Variants in NACC2 observed in about 807,000 individuals in gnomAD.
NACC2 encodes nucleus accumbens-associated protein 2.
A neutral mutation model predicts 25.1 loss-of-function variants in NACC2; 8 were observed. That is an observed-to-expected ratio of 0.32 (90% CI 0.19 to 0.57). The LOEUF (loss-of-function observed/expected upper bound fraction) is 0.57, where lower values mean the gene tolerates loss of function less well. NACC2 is among the 20% of genes least tolerant of loss of function. The probability of loss-of-function intolerance (pLI) is 0.89; values close to 1 mark genes in which losing one functional copy is unlikely to be tolerated. For missense variants in NACC2, 644 were observed against 650.2 expected, an observed-to-expected ratio of 0.99 and a Z score of 0.10; for synonymous variants, 435 against 294.7, an observed-to-expected ratio of 1.48 and a Z score of -4.88.
chr9:136,017,101 A>G (rs1840214042), intron 2 of NACC2, among the ~76,000 whole-genome samples: 1 of 152,094 alleles, frequency 6.6e-6, no homozygotes, highest in African/African-American at 2.4e-5. Context: ...ACTTGCCAAT[A>G]GCCAGGCTGG....
intron 2 of NACC2, among the ~76,000 whole-genome samples, chr9:136,047,805 C>T (rs917374388): frequency 7.0e-4 from 106 of 152,302 alleles, no homozygotes; most frequent in Middle Eastern, 3.4e-3. Context: ...TTCTAGCTCA[C>T]GAAGTCCAGG....
rs538219411 is a variant in NACC2 at position 136,084,846 on chromosome 9, C to A, written c.-60+10343G>T. On this transcript the variant is annotated intron_variant, in intron 1 of 5. Transcript: ENST00000277554. This position sits in a 1 kb window ranked among gnomAD's most constrained non-coding sequence, Gnocchi z 5.1. ...ATGAGCCAGTCACACGAGGACACCCCCTGTGGGACTCCACTCACATGCAGT... is the reference window on the plus strand; with the variant it reads ...ATGAGCCAGTCACACGAGGACACCCACTGTGGGACTCCACTCACATGCAGT... Among the ~76,000 whole-genome samples the A allele has an allele frequency of 8.5e-5, 13 of 152,320 alleles. No individual in the cohort carries two copies. The highest frequency in any genetic ancestry group is 3.3e-4 in the Admixed American group (5 of 15,304).
At position 136,010,033 on chromosome 9, in the gene NACC2, G is replaced by A. The variant is rs752222509; in HGVS notation, c.*1483C>T. 2 of 152,188 alleles carry A rather than the reference G, an allele frequency of 1.3e-5. No individual in the cohort carries two copies. The highest frequency in any genetic ancestry group is 2.9e-5 in the Non-Finnish European group (2 of 68,050). The allele number at this position is 152,188 out of a possible 1,614,324, so 9.4% of individuals were successfully genotyped here. A position where few individuals can be genotyped will look rare whatever the true frequency, so the allele number is the denominator to read the frequency against. On this transcript the variant is annotated 3_prime_UTR_variant, in exon 6 of 6. Coordinates refer to ENST00000277554, the MANE Select transcript of NACC2 (RefSeq NM_144653.5). This position sits in a 1 kb window ranked among gnomAD's most constrained non-coding sequence, Gnocchi z 4.9. ...TCCAAAACAAAAGGGAGGGACACCT[G>A]GGTAGGTGGCCACACCAGCACTTCA...
In NACC2 at chr9:136,049,679, C is replaced by T; in HGVS notation, c.843G>A (p.Glu281=). 1.3e-6 allele frequency: 1 copy of T among 779,178 alleles called. No individual in the cohort carries two copies. The highest frequency in any genetic ancestry group is 2.4e-5 in the East Asian group (1 of 41,124). The allele number at this position is 779,178 out of a possible 1,614,324, so 48.3% of individuals were successfully genotyped here. ...DDEAYDTMVE[E]QYGQMYIKAS... is the part of the protein sequence containing the mutation. The stretch of plus-strand genomic sequence containing the variant: ...CCTTGATGTACATCTGGCCGTACTG[C>T]TCCTCCACCATGGTGTCGTAGGCCT... The change falls in exon 2 of 6, where the codon GAG becomes GAA. Residue 281 remains glutamate, a synonymous_variant. Transcript: ENST00000277554.
chr9:136,063,209 C>T (rs1481613218), intron 1 of NACC2, among the ~76,000 whole-genome samples: 1 of 152,172 alleles, frequency 6.6e-6, no homozygotes, highest in Non-Finnish European at 1.5e-5. Flanking sequence ...GGATGAGCAG[C>T]TCCCGGGACC....
chr9:136,054,548 C>T (rs1453413181), intron 1 of NACC2, among the ~76,000 whole-genome samples: 1 of 152,190 alleles, frequency 6.6e-6, no homozygotes, highest in Non-Finnish European at 1.5e-5. Context: ...GGGGGCTGAC[C>T]CTCCTGCTAC....
At position 136,077,255 on chromosome 9, in the gene NACC2, C is replaced by T. The variant is rs557483320; in HGVS notation, c.-60+17934G>A. 2.7e-5 allele frequency among the ~76,000 whole-genome samples: 4 copies of T among 150,300 alleles called. No homozygotes were observed. The South Asian group carries it at 6.4e-4, about 24-fold the overall frequency. On this transcript the variant is annotated intron_variant, in intron 1 of 5. Coordinates refer to ENST00000277554, the MANE Select transcript of NACC2 (RefSeq NM_144653.5). ...CTGAGGCAGGAGAATTGCTTGAACC[C>T]GGAGGTGGAGGTTGCAGTGAGCCAA...
intron 1 of NACC2, among the ~76,000 whole-genome samples, chr9:136,064,658 G>C (rs1029124795): frequency 2.0e-5 from 3 of 152,156 alleles, no homozygotes; most frequent in African/African-American, 7.2e-5. Flanking sequence ...TTTATCTACA[G>C]ACTCAATGCA....
At position 136,072,409 on chromosome 9, in the gene NACC2, C is replaced by G. The variant is rs532225075; in HGVS notation, c.-59-21829G>C. Among the ~76,000 whole-genome samples the G allele has an allele frequency of 3.3e-5, 5 of 152,142 alleles. No individual in the cohort carries two copies. The East Asian group carries it at 9.7e-4, about 29-fold the overall frequency. ...GAAAATACAAAATTAGCCGGGCGTG[C>G]TGGTGTACACCTATAATCCCAGCTA... On this transcript the variant is annotated intron_variant, in intron 1 of 5. Transcript: ENST00000277554.
intron 1 of NACC2, among the ~76,000 whole-genome samples, chr9:136,063,206 C>CA (rs1841036570): frequency 6.6e-6 from 1 of 152,186 alleles, no homozygotes; most frequent in South Asian, 2.1e-4. Context: ...CAGGGATGAG[C>CA]AGCTCCCGGG....
intron 1 of NACC2, among the ~76,000 whole-genome samples, chr9:136,082,948 T>C (rs1472979969): frequency 6.6e-6 from 1 of 152,244 alleles, no homozygotes; most frequent in Non-Finnish European, 1.5e-5. Flanking sequence ...GCCTCACTCC[T>C]GCCAGATATC....
intron 1 of NACC2, among the ~76,000 whole-genome samples, chr9:136,085,311 G>C (rs542811398): frequency 3.8e-4 from 58 of 150,956 alleles, no homozygotes; most frequent in Non-Finnish European, 6.9e-4. Flanking sequence ...CACTGTGCCC[G>C]ACCCAAAAAA....
chr9:136,036,320 A>G (rs1840553150), intron 2 of NACC2, among the ~76,000 whole-genome samples: 1 of 152,232 alleles, frequency 6.6e-6, no homozygotes, highest in Non-Finnish European at 1.5e-5. Flanking sequence ...GAGATGCTCA[A>G]CAATGTAACA....
intron 1 of NACC2, among the ~76,000 whole-genome samples, chr9:136,075,578 C>G (rs1326503468): frequency 1.3e-5 from 2 of 152,246 alleles, no homozygotes; most frequent in Non-Finnish European, 2.9e-5. Context: ...CTTCTTTTAT[C>G]GGGCATAGGC....
intron 1 of NACC2, among the ~76,000 whole-genome samples, chr9:136,064,989 G>GA (rs1171933896): frequency 6.6e-6 from 1 of 152,168 alleles, no homozygotes; most frequent in Non-Finnish European, 1.5e-5. Flanking sequence ...GTGCTGGGAC[G>GA]ACTGGATAGC....
chr9:136,050,556 G>A lies in NACC2; in HGVS notation c.-35C>T, dbSNP rs1259176193. 7 of 743,668 alleles carry A rather than the reference G, an allele frequency of 9.4e-6. No individual in the cohort carries two copies. The highest frequency in any genetic ancestry group is 1.7e-5 in the Non-Finnish European group (7 of 409,016). 46.1% of individuals were successfully genotyped at this position (743,668 alleles called of 1,614,324 possible). On this transcript the variant is annotated 5_prime_UTR_variant, in exon 2 of 6. Coordinates refer to ENST00000277554, the MANE Select transcript of NACC2 (RefSeq NM_144653.5). ...GCAGCGGCGGGGCTGGGCTCTCAGC[G>A]CGGGGCGGCCCTAGCGGGGCTCATC... is the stretch of plus-strand genomic sequence containing the variant.
chr9:136,076,866 C>A (rs546539332), intron 1 of NACC2, among the ~76,000 whole-genome samples: 2 of 152,002 alleles, frequency 1.3e-5, no homozygotes, highest in African/African-American at 4.8e-5. Flanking sequence ...AAAAATTAGC[C>A]GGGCGTGGTG....
rs2131129172 is a variant in NACC2, at chr9:136,010,901, AG to A, written c.*614del. On this transcript the variant is annotated 3_prime_UTR_variant, in exon 6 of 6. Coordinates refer to ENST00000277554, the MANE Select transcript of NACC2 (RefSeq NM_144653.5). The surrounding 1 kb of genome is among the most constrained non-coding windows in gnomAD (Gnocchi z 4.9). ...TTCTCCACCCCGAGGGGTGGGCCAC[AG>A]CCATCACTGCCCCCTCACCACACCC... The A allele has an allele frequency of 6.6e-6, 1 of 152,414 alleles. No homozygotes were observed. The highest frequency in any genetic ancestry group is 1.9e-4 in the East Asian group (1 of 5,158). The allele number at this position is 152,414 out of a possible 1,614,324, so 9.4% of individuals were successfully genotyped here.
rs563932143 is a variant in NACC2 at position 136,087,238 on chromosome 9, C to T, written c.-60+7951G>A. Among the ~76,000 whole-genome samples the T allele has an allele frequency of 5.3e-5, 8 of 152,332 alleles. No homozygotes were observed. The South Asian group carries it at 1.7e-3, about 32-fold the overall frequency. ...CCAGCCCTGAAGATGCACAGAGTGT[C>T]AACTCCGGGCCTGCAGAACTGGGAC... On this transcript the variant is annotated intron_variant, in intron 1 of 5. Coordinates refer to ENST00000277554, the MANE Select transcript of NACC2 (RefSeq NM_144653.5).
Sources: gnomAD v4.1 joint callset for allele counts (sites outside exome capture counted in the v4.1 genomes callset) on GRCh38, gnomAD v4.1.1 for gene constraint, Gnocchi (gnomAD v3.1) non-coding constraint, MANE v1.5 for transcripts, NCBI Gene and HGNC (gene_info 2026-07-23, HGNC 2026-07-21) for gene names.